CHSY3: variants seen among roughly 807,000 people sequenced by gnomAD.
CHSY3 encodes N-acetylgalactosaminyl-proteoglycan 3-beta-glucuronosyltransferase 3.
A neutral mutation model predicts 67.2 loss-of-function variants in CHSY3; 35 were observed. That is an observed-to-expected ratio of 0.52 (90% confidence interval 0.40 to 0.69). The LOEUF is 0.69. Ranked by LOEUF, CHSY3 falls within the 30% of genes least tolerant of loss-of-function variation. CHSY3 has a pLI of 0.00. For missense variants in CHSY3, 1,069 were observed against 1,138.5 expected, an observed-to-expected ratio of 0.94 and a Z score of 0.88; for synonymous variants, 474 against 434.7, an observed-to-expected ratio of 1.09 and a Z score of -1.12.
At chr5:130,038,841 C>T (rs1165667533) in intron 2 of CHSY3, among the ~76,000 whole-genome samples, 1 of 151,778 alleles carries the variant, frequency 6.6e-6, no homozygotes, top group Non-Finnish European at 1.5e-5. Context: ...TAAATAAAGC[C>T]ATCAGGAAGG....
chr5:130,037,426 G>A (rs1764891848), intron 2 of CHSY3, among the ~76,000 whole-genome samples: 1 of 152,060 alleles, frequency 6.6e-6, no homozygotes, highest in African/African-American at 2.4e-5. Context: ...AAGAAAATGA[G>A]CAGTTGGAAA....
intron 2 of CHSY3, among the ~76,000 whole-genome samples, chr5:130,100,145 A>G (rs1580732818): frequency 6.6e-6 from 1 of 152,294 alleles, no homozygotes; most frequent in African/African-American, 2.4e-5. Flanking sequence ...AGAAGGGCAG[A>G]CATAAAAAGG....
At chr5:129,917,664 C>T (rs190830338) in intron 2 of CHSY3, among the ~76,000 whole-genome samples, 1 of 152,198 alleles carries the variant, frequency 6.6e-6, no homozygotes, top group Non-Finnish European at 1.5e-5. Flanking sequence ...ATTTGTTCCC[C>T]TCGTGGGAGT....
At position 130,086,187 on chromosome 5, in the gene CHSY3, T is replaced by A. The variant is rs1215391020; in HGVS notation, c.1087-98042T>A. Among the ~76,000 whole-genome samples the A allele has an allele frequency of 3.3e-5, 5 of 152,136 alleles. No homozygotes were observed. The South Asian group carries it at 8.3e-4, about 25-fold the overall frequency. On this transcript the variant is annotated intron_variant, in intron 2 of 2. Transcript: ENST00000305031. ...CCTTGTTAACTTTCTGTCTCGTTGA[T>A]CTGTCTAATGTTGACAGTGGGGTGT...
intron 2 of CHSY3, among the ~76,000 whole-genome samples, chr5:130,040,577 G>T (rs1764980807): frequency 6.6e-6 from 1 of 152,030 alleles, no homozygotes; most frequent in Non-Finnish European, 1.5e-5. Flanking sequence ...ATCCTTTCTG[G>T]CTTTAATGCT....
intron 2 of CHSY3, among the ~76,000 whole-genome samples, chr5:130,081,415 C>A (rs1766443241): frequency 6.6e-6 from 1 of 151,806 alleles, no homozygotes; most frequent in Non-Finnish European, 1.5e-5. Flanking sequence ...TGTGAAAGTG[C>A]CATATTTGGG....
At chr5:130,181,454 CT>C (rs1770240960) in intron 2 of CHSY3, among the ~76,000 whole-genome samples, 1 of 151,350 alleles carries the variant, frequency 6.6e-6, no homozygotes, top group Admixed American at 6.6e-5. Flanking sequence ...CTGATATCTT[CT>C]CTCTCTCTCT....
chr5:130,049,546 C>A (rs1242430744), intron 2 of CHSY3, among the ~76,000 whole-genome samples: 1 of 152,032 alleles, frequency 6.6e-6, no homozygotes, highest in African/African-American at 2.4e-5. Context: ...TCAGGAAAAA[C>A]CTTTAAATAT....
intron 2 of CHSY3, among the ~76,000 whole-genome samples, chr5:130,045,931 C>T (rs1441015822): frequency 6.6e-6 from 1 of 152,036 alleles, no homozygotes; most frequent in African/African-American, 2.4e-5. Context: ...GAAATTTTCA[C>T]TGAGTATCTA....
rs1770366252 is a variant in CHSY3, at chr5:130,184,884, A to G, written c.1742A>G (p.Asn581Ser). Residue 581 changes from asparagine to serine, a missense_variant, in exon 3 of 3, where the codon AAC becomes AGC. Physicochemically the swap from Asn to Ser is conservative, Grantham distance 46 (BLOSUM62 1). Around this residue, in one of 5 missense-constraint regions of CHSY3, gnomAD observed 401 missense variants for 395.2 expected, o/e 1.01. Transcript: ENST00000305031. ...AGAGAGACCGAAGAGCTAGATGTCA[A>G]CAGTCTTGTGGAGAGTATTAACAGT... ...FFRETEELDV[N>S]SLVESINSET... 1.3e-6 allele frequency: 2 copies of G among 1,572,984 alleles called. No homozygotes were observed. The highest frequency in any genetic ancestry group is 8.8e-7 in the Non-Finnish European group (1 of 1,142,530).
intron 2 of CHSY3, among the ~76,000 whole-genome samples, chr5:130,154,850 G>A (rs750729125): frequency 6.6e-6 from 1 of 152,170 alleles, no homozygotes; most frequent in Non-Finnish European, 1.5e-5. Context: ...AAGGTAGAGT[G>A]TTAGATAGAG....
intron 2 of CHSY3, among the ~76,000 whole-genome samples, chr5:129,964,631 T>A (rs1762422872): frequency 6.6e-6 from 1 of 151,802 alleles, no homozygotes; most frequent in African/African-American, 2.4e-5. Flanking sequence ...TTTAACAGTC[T>A]GGGATTGAAT....
At chr5:129,927,135 A>AT (rs1376022170) in intron 2 of CHSY3, among the ~76,000 whole-genome samples, 14 of 151,784 alleles carry the variant, frequency 9.2e-5, no homozygotes, top group Non-Finnish European at 1.5e-4. Flanking sequence ...CTAAGTTCTA[A>AT]TTTTTTTAAA....
chr5:130,061,356 A>T (rs1765707900), intron 2 of CHSY3, among the ~76,000 whole-genome samples: 1 of 152,134 alleles, frequency 6.6e-6, no homozygotes, highest in African/African-American at 2.4e-5. Flanking sequence ...ATAGGCCAGC[A>T]ATATGCAGAG....
rs1344974267 is a variant in CHSY3, at chr5:130,184,418, A to G, written c.1276A>G (p.Arg426Gly). 1.2e-6 allele frequency: 2 copies of G among 1,613,672 alleles called. No individual in the cohort carries two copies. Among genetic ancestry groups the G allele is most frequent in the African/African-American group, 1.3e-5 (1 of 75,050 alleles). Residue 426 changes from arginine to glycine, a missense_variant, in exon 3 of 3, where the codon AGG becomes GGG. By Grantham distance (125) the Arg-to-Gly change is moderately radical. Transcript: ENST00000305031. ...ELRYRTIQLH[R>G]ESALMSKLSN... ...TCGCTACCGCACCATCCAGCTCCACAGGGAAAGTGCCCTGATGAGCAAGCT... is the reference window on the plus strand; with the variant it reads ...TCGCTACCGCACCATCCAGCTCCACGGGGAAAGTGCCCTGATGAGCAAGCT...
chr5:130,000,885 CTT>C (rs545172978), intron 2 of CHSY3, among the ~76,000 whole-genome samples: 7 of 124,634 alleles, frequency 5.6e-5, no homozygotes. Flanking sequence ...AGCCTGTCTT[CTT>C]TTTTTTTTTT....
chr5:129,910,151 C>A (rs924542360), intron 2 of CHSY3, among the ~76,000 whole-genome samples: 15 of 151,672 alleles, frequency 9.9e-5, no homozygotes, highest in African/African-American at 3.1e-4. Context: ...AGATGTGCAC[C>A]CTGTCTATTA....
chr5:130,016,937 A>G (rs772299404), intron 2 of CHSY3, among the ~76,000 whole-genome samples: 3 of 152,166 alleles, frequency 2.0e-5, no homozygotes, highest in Non-Finnish European at 4.4e-5. Context: ...CAACCGACAC[A>G]TTAGGAAAAT....
In CHSY3 at chr5:130,155,861, G is replaced by C. The variant is rs537345652; in HGVS notation, c.1087-28368G>C. Among the ~76,000 whole-genome samples the C allele has an allele frequency of 1.2e-4, 18 of 152,316 alleles. No homozygotes were observed. In the South Asian group the frequency reaches 1.4e-3, roughly 12 times the overall value. Reference sequence around the variant, plus strand: ...AAGCAGCTGTTCGGCTCTAGTAAGAGCTGCCTCAGTAGAAGGGTAGGATGG... The same window carrying C: ...AAGCAGCTGTTCGGCTCTAGTAAGACCTGCCTCAGTAGAAGGGTAGGATGG... On this transcript the variant is annotated intron_variant, in intron 2 of 2. Coordinates refer to ENST00000305031, the MANE Select transcript of CHSY3 (RefSeq NM_175856.5).
Sources: allele counts gnomAD v4.1 joint callset (sites outside exome capture counted in the v4.1 genomes callset), GRCh38; gene constraint gnomAD v4.1.1; regional missense constraint gnomAD v4.1.1; transcripts MANE v1.5; gene names NCBI Gene and HGNC (gene_info 2026-07-23, HGNC 2026-07-21).